MEP1A: variants seen among roughly 807,000 people sequenced by gnomAD.
The protein encoded by MEP1A is N-benzoyl-L-tyrosyl-P-amino-benzoic acid hydrolase subunit alpha.
In MEP1A, 68 loss-of-function variants were observed where a neutral mutation model predicts 84.5. The ratio of observed to expected loss-of-function variants is 0.80; its 90% CI spans 0.66 to 0.98. The LOEUF (loss-of-function observed/expected upper bound fraction) is 0.98. Ranked by LOEUF, MEP1A falls within the 50% of genes least tolerant of loss-of-function variation. MEP1A has a pLI of 0.00. For missense variants in MEP1A, 887 were observed against 919.9 expected, an observed-to-expected ratio of 0.96 and a Z score of 0.46; for synonymous variants, 337 against 336.8, an observed-to-expected ratio of 1.00 and a Z score of -0.01.
chr6:46,809,579 G>T, intron 6 of MEP1A, 42 bp downstream of exon 6: 3 of 1,347,536 alleles, frequency 2.2e-6, no homozygotes, highest in Non-Finnish European at 3.2e-6. Context: ...TGCATACTTT[G>T]GTTCGTAAGA....
Position 46,834,697 on chromosome 6 carries a change from A to C in MEP1A, c.1729A>C (p.Lys577Gln). The C allele has an allele frequency of 6.2e-7, 1 of 1,611,700 alleles. No homozygotes were observed. The highest frequency in any genetic ancestry group is 8.5e-7 in the Non-Finnish European group (1 of 1,179,682). ...TGGTTTCATTTCCCACCAAATGCTG[A>C]AAAGGAGGAGTTTCCTGAAAAATGA... The part of the protein sequence containing the change: ...WSGFISHQML[K>Q]RRSFLKNDDL... Residue 577 changes from lysine to glutamine, a missense_variant, in exon 12 of 14, where the codon AAA becomes CAA. Physicochemically the swap from Lys to Gln is moderately conservative, Grantham distance 53. Transcript: ENST00000230588.
downstream of MEP1A, among the ~76,000 whole-genome samples, chr6:46,842,208 T>A (rs1768345918): frequency 6.6e-6 from 1 of 152,088 alleles, no homozygotes; most frequent in Non-Finnish European, 1.5e-5. Context: ...GTTTGAACAA[T>A]AAGAAAATCA....
chr6:46,840,530 C>T (rs1270457073), downstream of MEP1A, among the ~76,000 whole-genome samples: 1 of 152,204 alleles, frequency 6.6e-6, no homozygotes, highest in Non-Finnish European at 1.5e-5. Flanking sequence ...AGAACCACTG[C>T]TCTAGTGGAT....
At chr6:46,839,817 G>C (rs1768301875), downstream of MEP1A, 1 of 152,100 alleles carries the variant, frequency 6.6e-6, no homozygotes, top group Admixed American at 6.5e-5. Flanking sequence ...GTGTGGGTGT[G>C]CATGTGTGTG....
At chr6:46,811,384 G>GT (rs564192629) in intron 6 of MEP1A, among the ~76,000 whole-genome samples, 23 of 151,914 alleles carry the variant, frequency 1.5e-4, no homozygotes, top group African/African-American at 4.6e-4. Flanking sequence ...AGTCTTTAGG[G>GT]TTTTTTTAGG....
At chr6:46,823,501 A>C (rs1203833412) in intron 7 of MEP1A, among the ~76,000 whole-genome samples, 1 of 152,156 alleles carries the variant, frequency 6.6e-6, no homozygotes, top group Non-Finnish European at 1.5e-5. Flanking sequence ...AATCCCAGCT[A>C]CTCAGGAGGC....
intron 6 of MEP1A, among the ~76,000 whole-genome samples, chr6:46,812,413 A>G (rs1178794399): frequency 6.6e-6 from 1 of 151,918 alleles, no homozygotes; most frequent in East Asian, 1.9e-4. Flanking sequence ...TTATTTTTTC[A>G]AAGAACCAGA....
At chr6:46,828,753 T>C (rs1768004332) in intron 9 of MEP1A, among the ~76,000 whole-genome samples, 1 of 152,208 alleles carries the variant, frequency 6.6e-6, no homozygotes, top group Admixed American at 6.5e-5. Flanking sequence ...TTCACCCTCT[T>C]CAGTGTCCTT....
intron 6 of MEP1A, among the ~76,000 whole-genome samples, chr6:46,814,003 T>C (rs1270230719): frequency 6.6e-6 from 1 of 152,174 alleles, no homozygotes; most frequent in African/African-American, 2.4e-5. Flanking sequence ...TGTCTTGATT[T>C]GAGATAACCT....
chr6:46,797,830 CTTTCTT>C (rs1242765129), intron 3 of MEP1A, among the ~76,000 whole-genome samples: 14 of 146,090 alleles, frequency 9.6e-5, no homozygotes, highest in South Asian at 4.4e-4. Flanking sequence ...TTCTTTCTTT[CTTTCTT>C]TCTCTCTCTC....
chr6:46,809,810 G>A (rs1562108022), intron 6 of MEP1A, among the ~76,000 whole-genome samples: 1 of 149,706 alleles, frequency 6.7e-6, no homozygotes, highest in Non-Finnish European at 1.5e-5. Context: ...GTGTGTGTGT[G>A]TGTATATATA....
intron 6 of MEP1A, among the ~76,000 whole-genome samples, chr6:46,814,805 A>T (rs1391568477): frequency 1.3e-5 from 2 of 151,948 alleles, no homozygotes; most frequent in African/African-American, 4.8e-5. Context: ...AACTGTAGTG[A>T]TTGTTTTTGC....
chr6:46,800,269 G>A (rs1438393590), intron 5 of MEP1A, among the ~76,000 whole-genome samples: 1 of 152,144 alleles, frequency 6.6e-6, no homozygotes, highest in Non-Finnish European at 1.5e-5. Context: ...GCCTTCATCT[G>A]ATATTTTATG....
At chr6:46,837,173 T>G (rs1428922542) in intron 13 of MEP1A, among the ~76,000 whole-genome samples, 1 of 152,260 alleles carries the variant, frequency 6.6e-6, no homozygotes, top group African/African-American at 2.4e-5. Context: ...TCACATTCAT[T>G]AATTATAATC....
intron 10 of MEP1A, among the ~76,000 whole-genome samples, chr6:46,831,420 T>A (rs1768072554): frequency 6.6e-6 from 1 of 152,120 alleles, no homozygotes; most frequent in Admixed American, 6.5e-5. Context: ...ACACACACGT[T>A]TTTACTGAGG....
intron 7 of MEP1A, among the ~76,000 whole-genome samples, chr6:46,820,920 A>C (rs1180209291): frequency 1.3e-5 from 2 of 152,230 alleles, no homozygotes; most frequent in Non-Finnish European, 2.9e-5. Flanking sequence ...TGTTTCCGGC[A>C]TGGCTTTTAT....
chr6:46,844,765 GTTTACATTCTCCTGCTTCC>G (rs1768386474), downstream of MEP1A, among the ~76,000 whole-genome samples: 2 of 152,148 alleles, frequency 1.3e-5, no homozygotes, highest in Non-Finnish European at 2.9e-5. Context: ...TCAGAGTCTA[GTTTACATTCTCCTGCTTCC>G]TTTGCAGGTA....
rs549923188 is a variant in MEP1A, at chr6:46,833,354, C to T, written c.1425C>T (p.Ser475=). The T allele has an allele frequency of 3.7e-5, 59 of 1,614,208 alleles. No individual in the cohort carries two copies. In the Middle Eastern group the frequency reaches 4.9e-4, roughly 14 times the overall value. The change falls in exon 11 of 14, where the codon AGC becomes AGT. Residue 475 remains serine, a synonymous_variant. Coordinates refer to ENST00000230588, the MANE Select transcript of MEP1A (RefSeq NM_005588.3). ...YGFGVTLYPN[S]RESSGYLRLA... ...TTGGGGTAACTTTATACCCAAATAG[C>T]AGAGAAAGCTCTGGTTACTTGAGAC...
chr6:46,825,890 C>T (rs1232022629), intron 8 of MEP1A, among the ~76,000 whole-genome samples: 1 of 152,150 alleles, frequency 6.6e-6, no homozygotes, highest in Non-Finnish European at 1.5e-5. Context: ...AGGTGATGGA[C>T]TTGAAAGCAT....
Sources: gnomAD v4.1 joint callset for allele counts (sites outside exome capture counted in the v4.1 genomes callset) on GRCh38, gnomAD v4.1.1 for gene constraint, MANE v1.5 for transcripts, NCBI Gene and HGNC (gene_info 2026-07-23, HGNC 2026-07-21) for gene names.